ZFHX3: variants seen among roughly 807,000 people sequenced by gnomAD.
ZFHX3 encodes the protein zinc finger homeobox protein 3.
Under a neutral mutation model 279.1 loss-of-function variants are expected in ZFHX3, and 42 were observed. The observed-to-expected ratio is 0.15, with a 90% CI of 0.12 to 0.19. The LOEUF (loss-of-function observed/expected upper bound fraction) is 0.19. Among genes scored for constraint, ZFHX3 ranks in the 10% least tolerant of loss-of-function variants. ZFHX3 has a pLI of 1.00. For missense variants in ZFHX3, 4,981 were observed against 4,754.0 expected (o/e 1.05, Z -1.40); for synonymous variants, 2,293 against 1,957.8 (o/e 1.17, Z -4.52).
At chr16:72,819,437 C>T (rs1157707675) in intron 5 of ZFHX3, among the ~76,000 whole-genome samples, 2 of 152,206 alleles carry the variant, frequency 1.3e-5, no homozygotes, top group African/African-American at 2.4e-5. Flanking sequence ...ATGTGTCAGA[C>T]TCCCGGGCAG....
chr16:73,028,948 C>G (rs1484919133), intron 1 of ZFHX3, among the ~76,000 whole-genome samples: 1 of 152,236 alleles, frequency 6.6e-6, no homozygotes, highest in African/African-American at 2.4e-5. Context: ...GATTTCAACA[C>G]CTCCTACAAT....
chr16:73,410,121 A>T (rs542763901), intron 3 of ZFHX3, among the ~76,000 whole-genome samples: 1 of 152,288 alleles, frequency 6.6e-6, no homozygotes, highest in Non-Finnish European at 1.5e-5. Flanking sequence ...GTACATTCAA[A>T]AATAACTGCA....
chr16:73,392,847 T>G (rs202149667), intron 3 of ZFHX3, among the ~76,000 whole-genome samples: 1 of 145,482 alleles, frequency 6.9e-6, no homozygotes, highest in African/African-American at 2.5e-5. Flanking sequence ...TTTGTTTTTT[T>G]GTTTTTTGAG....
chr16:73,272,440 T>A lies in ZFHX3; in HGVS notation c.-1193-15304A>T, dbSNP rs186624335. Among the ~76,000 whole-genome samples, 10 of 152,320 alleles carry A rather than the reference T, an allele frequency of 6.6e-5. No individual in the cohort carries two copies. The East Asian group carries it at 1.9e-3, about 29-fold the overall frequency. Reference sequence around the variant, plus strand: ...AGTCAATACATATGACATTTTACATTAACTCCTGACGCAAACTTGTTGCCA... The same window carrying A: ...AGTCAATACATATGACATTTTACATAAACTCCTGACGCAAACTTGTTGCCA... On this transcript the variant is annotated intron_variant, in intron 4 of 17. Transcript: ENST00000641206.
chr16:73,066,985 G>A (rs1403369778), intron 8 of ZFHX3, among the ~76,000 whole-genome samples: 41 of 152,122 alleles, frequency 2.7e-4, no homozygotes, highest in Admixed American at 2.6e-3. Context: ...CCAAGGCCTG[G>A]GGAGGGAAGG....
chr16:73,198,684 G>A lies in ZFHX3; in HGVS notation c.-1103-54853C>T, dbSNP rs550267938. Among the ~76,000 whole-genome samples, 187 of 152,134 alleles carry A rather than the reference G, an allele frequency of 1.2e-3. 3 individuals carry two copies. The South Asian group carries it at 0.038, about 31-fold the overall frequency. ...CAGATTCAGTTGGTGGCTCATCCTC[G>A]CTACAGAAACTTCCTTAATATGCCA... is the stretch of plus-strand genomic sequence containing the variant. On this transcript the variant is annotated intron_variant, in intron 5 of 17. Transcript: ENST00000641206.
intron 3 of ZFHX3, among the ~76,000 whole-genome samples, chr16:73,339,562 A>G (rs2015988513): frequency 6.6e-6 from 1 of 152,364 alleles, no homozygotes; most frequent in Admixed American, 6.5e-5. Context: ...ATTTTAAAGT[A>G]CTAATATATT....
At chr16:72,903,552 AT>A (rs947315983) in intron 3 of ZFHX3, among the ~76,000 whole-genome samples, 4 of 152,114 alleles carry the variant, frequency 2.6e-5, no homozygotes, top group African/African-American at 9.7e-5. Context: ...AGAAAACCGT[AT>A]TCTTACTGAG....
chr16:73,703,841 G>A (rs549125838), intron 1 of ZFHX3, among the ~76,000 whole-genome samples: 9 of 152,272 alleles, frequency 5.9e-5, no homozygotes, highest in East Asian at 3.9e-4. Context: ...TGAGGGATCC[G>A]AGTCGTAACG....
chr16:73,663,695 A>C (rs182522014), intron 2 of ZFHX3, among the ~76,000 whole-genome samples: 235 of 152,348 alleles, frequency 1.5e-3, no homozygotes, highest in Non-Finnish European at 2.0e-3. Flanking sequence ...AATGTTTGTT[A>C]ACTAAGGAAT....
exon 8 of ZFHX3, chr16:73,093,580 T>C (rs1423764384): frequency 1.9e-6 from 1 of 512,994 alleles, no homozygotes; most frequent in Non-Finnish European, 3.9e-6. Flanking sequence ...GTCTTCATCT[T>C]GGGCTAACCG....
intron 1 of ZFHX3, among the ~76,000 whole-genome samples, chr16:73,860,225 C>T (rs1229887569): frequency 6.6e-6 from 1 of 152,132 alleles, no homozygotes; most frequent in Admixed American, 6.5e-5. Flanking sequence ...TGAAAAATGA[C>T]AAATGTAATG....
intron 5 of ZFHX3, among the ~76,000 whole-genome samples, chr16:73,207,726 G>C (rs955729818): frequency 5.3e-5 from 8 of 152,130 alleles, no homozygotes; most frequent in African/African-American, 1.9e-4. Flanking sequence ...TGTCCATTAA[G>C]TTACTTGGGA....
chr16:73,406,138 C>T (rs1158426485), intron 3 of ZFHX3, among the ~76,000 whole-genome samples: 2 of 152,270 alleles, frequency 1.3e-5, no homozygotes, highest in African/African-American at 4.8e-5. Context: ...GCCTGCGCAT[C>T]AGCTGCAAAG....
intron 3 of ZFHX3, among the ~76,000 whole-genome samples, chr16:73,409,830 A>T (rs1255807182): frequency 1.3e-5 from 2 of 152,194 alleles, no homozygotes; most frequent in Admixed American, 1.3e-4. Context: ...GAACTGAAGG[A>T]CATTATGTCA....
At chr16:72,931,129 C>A (rs1243046811) in intron 3 of ZFHX3, among the ~76,000 whole-genome samples, 1 of 152,124 alleles carries the variant, frequency 6.6e-6, no homozygotes, top group East Asian at 1.9e-4. Flanking sequence ...AAAACTCAGT[C>A]CTCCTAGTAC....
chr16:73,287,355 T>A (rs1465439955), intron 4 of ZFHX3, among the ~76,000 whole-genome samples: 2 of 119,324 alleles, frequency 1.7e-5, no homozygotes, highest in Non-Finnish European at 1.7e-5. Context: ...TGTGGCTGTG[T>A]GGGTCGGTGG....
chr16:73,863,047 A>C (rs1453948511), intron 1 of ZFHX3, among the ~76,000 whole-genome samples: 1 of 152,022 alleles, frequency 6.6e-6, no homozygotes, highest in African/African-American at 2.4e-5. Flanking sequence ...TCTACTAAAA[A>C]TACAACAAAT....
At chr16:73,437,799 G>C (rs74028651) in intron 3 of ZFHX3, among the ~76,000 whole-genome samples, 2 of 152,070 alleles carry the variant, frequency 1.3e-5, no homozygotes, top group Non-Finnish European at 2.9e-5. Context: ...GTCAAATCTC[G>C]CTATTTTCCA....
Sources: gnomAD v4.1 joint callset for allele counts (sites outside exome capture counted in the v4.1 genomes callset) on GRCh38, gnomAD v4.1.1 for gene constraint, MANE v1.5 for transcripts, NCBI Gene and HGNC (gene_info 2026-07-23, HGNC 2026-07-21) for gene names.